SPMIP3: variants seen among roughly 807,000 people sequenced by gnomAD.
SPMIP3 encodes sperm microtubule inner protein 3.
At chr1:244,358,225 G>A in the SPMIP3 span, among the ~76,000 whole-genome samples, 39,149 of 145,092 alleles carry the variant, frequency 0.27, 6,140 homozygotes, top group East Asian at 0.55. Flanking sequence ...GCCAGACTCT[G>A]TCTCAAAAAG....
chr1:244,375,308 AT>A, the SPMIP3 span: 1 of 1,321,336 alleles, frequency 7.6e-7, no homozygotes, highest in Non-Finnish European at 1.1e-6. Flanking sequence ...CGCAGCTGGC[AT>A]TCTTCTGGAA....
chr1:244,383,841 G>A, the SPMIP3 span, among the ~76,000 whole-genome samples: 7 of 152,168 alleles, frequency 4.6e-5, no homozygotes, highest in African/African-American at 1.2e-4. Flanking sequence ...TATGAAAGAC[G>A]TTACAGGTCA....
the SPMIP3 span, among the ~76,000 whole-genome samples, chr1:244,368,882 C>A: frequency 6.6e-6 from 1 of 152,180 alleles, no homozygotes; most frequent in South Asian, 2.1e-4. Context: ...TCATATTGGC[C>A]GGGTGCGGTG....
chr1:244,388,665 C>G, the SPMIP3 span, among the ~76,000 whole-genome samples: 1 of 152,148 alleles, frequency 6.6e-6, no homozygotes, highest in Non-Finnish European at 1.5e-5. Context: ...TAATGTACGA[C>G]TAAAAAGGTT....
the SPMIP3 span, chr1:244,389,434 G>A: frequency 6.1e-6 from 1 of 164,020 alleles, no homozygotes; most frequent in African/African-American, 2.4e-5. Context: ...CAATTATAAA[G>A]AAAACTGGCA....
the SPMIP3 span, among the ~76,000 whole-genome samples, chr1:244,380,039 A>G: frequency 6.6e-6 from 1 of 151,788 alleles, no homozygotes; most frequent in Non-Finnish European, 1.5e-5. Context: ...GTAGACACCA[A>G]TTAAAGCATT....
chr1:244,373,833 G>A, the SPMIP3 span, among the ~76,000 whole-genome samples: 7,309 of 152,046 alleles, frequency 0.048, 327 homozygotes, highest in Admixed American at 0.14. Context: ...CATATTTCTG[G>A]CCGGGTGCAG....
At chr1:244,375,549 A>G in the SPMIP3 span, 176 of 1,025,410 alleles carry the variant, frequency 1.7e-4, no homozygotes, top group Non-Finnish European at 2.5e-4. Flanking sequence ...GGGAAGATAC[A>G]CTACTCCTCA....
the SPMIP3 span, among the ~76,000 whole-genome samples, chr1:244,374,353 C>T: frequency 6.6e-4 from 101 of 152,116 alleles, no homozygotes; most frequent in African/African-American, 2.2e-3. Context: ...GGCTCGAGTC[C>T]CCCTCCCAGG....
chr1:244,360,986 G>A, the SPMIP3 span, among the ~76,000 whole-genome samples: 2 of 151,754 alleles, frequency 1.3e-5, no homozygotes, highest in African/African-American at 4.8e-5. Flanking sequence ...GACAAATATT[G>A]CTTGTTCTCA....
the SPMIP3 span, among the ~76,000 whole-genome samples, chr1:244,384,847 A>G: frequency 6.6e-6 from 1 of 152,172 alleles, no homozygotes; most frequent in Non-Finnish European, 1.5e-5. Flanking sequence ...GAATAAGAGA[A>G]AGAATATTAA....
the SPMIP3 span, among the ~76,000 whole-genome samples, chr1:244,387,312 A>AG: frequency 5.3e-5 from 8 of 152,078 alleles, no homozygotes; most frequent in Admixed American, 4.6e-4. Flanking sequence ...AAAAAAAAAA[A>AG]GTTTTGTTAC....
At chr1:244,355,003 T>TCACG in the SPMIP3 span, among the ~76,000 whole-genome samples, 1 of 152,156 alleles carries the variant, frequency 6.6e-6, no homozygotes, top group Non-Finnish European at 1.5e-5. Context: ...GGCGGCGAAA[T>TCACG]CACGTGTCTT....
the SPMIP3 span, among the ~76,000 whole-genome samples, chr1:244,381,205 A>G: frequency 6.6e-5 from 10 of 151,992 alleles, no homozygotes; most frequent in Middle Eastern, 3.4e-3. Context: ...GGGGGCTAAA[A>G]AGAAGAGGTG....
the SPMIP3 span, among the ~76,000 whole-genome samples, chr1:244,373,241 C>A: frequency 1.8e-4 from 27 of 149,230 alleles, no homozygotes; most frequent in Non-Finnish European, 3.3e-4. Flanking sequence ...TCCACATTGC[C>A]ATCAAAAAAG....
chr1:244,380,982 C>T, the SPMIP3 span, among the ~76,000 whole-genome samples: 7 of 151,644 alleles, frequency 4.6e-5, no homozygotes, highest in Non-Finnish European at 7.4e-5. Context: ...AGCCTGATCA[C>T]GGCGGGAGCT....
chr1:244,363,253 CA>C, the SPMIP3 span, among the ~76,000 whole-genome samples: 5 of 151,826 alleles, frequency 3.3e-5, no homozygotes, highest in African/African-American at 1.2e-4. Flanking sequence ...ACTAAAAACA[CA>C]AAAATTAGCT....
At chr1:244,364,178 C>T in the SPMIP3 span, among the ~76,000 whole-genome samples, 10 of 152,070 alleles carry the variant, frequency 6.6e-5, no homozygotes, top group Admixed American at 6.5e-4. Context: ...GATCCTGGCT[C>T]ACTGCAAGCT....
the SPMIP3 span, among the ~76,000 whole-genome samples, chr1:244,386,977 A>ACTCTAATATTCACCTAATAAT: frequency 1.3e-5 from 2 of 152,198 alleles, no homozygotes; most frequent in African/African-American, 4.8e-5. Flanking sequence ...AATGTAATAA[A>ACTCTAATATTCACCTAATAAT]CTCTAATATT....
Sources: allele counts gnomAD v4.1 joint callset (sites outside exome capture counted in the v4.1 genomes callset), GRCh38; gene constraint gnomAD v4.1.1; transcripts MANE v1.5; gene names NCBI Gene and HGNC (gene_info 2026-07-23, HGNC 2026-07-21).